The following LRRC7 variants were observed in gnomAD, a reference collection of about 807,000 sequenced individuals.
The protein encoded by LRRC7 is leucine rich repeat containing 7.
In LRRC7, 23 loss-of-function variants were observed where a neutral mutation model predicts 175.7. The observed-to-expected ratio is 0.13, with a 90% CI of 0.09 to 0.19. The LOEUF (loss-of-function observed/expected upper bound fraction) is 0.19. Ranked by LOEUF, LRRC7 falls within the 10% of genes least tolerant of loss-of-function variation. The probability of loss-of-function intolerance (pLI) is 1.00; values close to 1 mark genes in which losing one functional copy is unlikely to be tolerated. For missense variants in LRRC7, 1,354 were observed against 1,904.7 expected (o/e 0.71, Z 5.38); for synonymous variants, 685 against 680.9 (o/e 1.01, Z -0.09).
intron 7 of LRRC7, among the ~76,000 whole-genome samples, chr1:69,865,875 C>T (rs1684900401): frequency 2.6e-5 from 4 of 152,150 alleles, no homozygotes; most frequent in Admixed American, 2.6e-4. Flanking sequence ...ACCTCAGATT[C>T]ACCAGCAGTA....
chr1:69,758,868 C>T (rs1670725792), intron 2 of LRRC7, among the ~76,000 whole-genome samples: 1 of 152,016 alleles, frequency 6.6e-6, no homozygotes, highest in South Asian at 2.1e-4. Flanking sequence ...ATAAATGTTA[C>T]TAATTTCTGT....
intron 1 of LRRC7, among the ~76,000 whole-genome samples, chr1:69,576,968 G>A (rs1008062838): frequency 2.0e-4 from 30 of 152,190 alleles, no homozygotes; most frequent in African/African-American, 7.2e-4. Flanking sequence ...TATTTAATGA[G>A]CGGTTATTTA....
intron 3 of LRRC7, among the ~76,000 whole-genome samples, chr1:69,764,761 A>T (rs1671434708): frequency 6.6e-6 from 1 of 150,944 alleles, no homozygotes; most frequent in Non-Finnish European, 1.5e-5. Context: ...AGATAGATAG[A>T]TAGATAGATA....
chr1:69,672,520 C>T (rs567205486), intron 1 of LRRC7, among the ~76,000 whole-genome samples: 13 of 152,210 alleles, frequency 8.5e-5, no homozygotes, highest in African/African-American at 2.9e-4. Context: ...TTAGGTTAAC[C>T]ATGGATAAAA....
intron 1 of LRRC7, among the ~76,000 whole-genome samples, chr1:69,626,249 A>G (rs1570024229): frequency 1.3e-5 from 2 of 152,104 alleles, no homozygotes; most frequent in East Asian, 1.9e-4. Context: ...GTCAGAATCT[A>G]TGGTATGTTT....
Position 70,088,927 on chromosome 1 carries a change from G to A in LRRC7, c.4453-800G>A, listed in dbSNP as rs113066956. Among the ~76,000 whole-genome samples, 4 of 152,246 alleles carry A rather than the reference G, an allele frequency of 2.6e-5. 1 individual carries two copies. The highest frequency in any genetic ancestry group is 7.2e-5 in the African/African-American group (3 of 41,554). On this transcript the variant is annotated intron_variant, in intron 24 of 26. Coordinates refer to ENST00000651989, the MANE Select transcript of LRRC7 (RefSeq NM_001370785.2). ...CATACTACTATAAAACAAAAGTCAT[G>A]TTTAATAGACTTTCATTCATGATTT...
chr1:70,097,397 T>C (rs182957266), intron 25 of LRRC7, among the ~76,000 whole-genome samples: 142 of 152,342 alleles, frequency 9.3e-4, no homozygotes, highest in African/African-American at 3.2e-3. Flanking sequence ...AAACAATTTT[T>C]CACTTCAAAA....
At chr1:69,817,661 T>TA (rs1311870656) in intron 4 of LRRC7, among the ~76,000 whole-genome samples, 1 of 152,102 alleles carries the variant, frequency 6.6e-6, no homozygotes, top group Non-Finnish European at 1.5e-5. Context: ...TCTATTTCTG[T>TA]AAAAAAAGTC....
At chr1:69,803,447 C>G (rs1676756012) in intron 4 of LRRC7, among the ~76,000 whole-genome samples, 1 of 151,398 alleles carries the variant, frequency 6.6e-6, no homozygotes, top group Non-Finnish European at 1.5e-5. Context: ...TGACTTCCAT[C>G]AAGAATATGT....
chr1:69,603,836 T>C lies in LRRC7; in HGVS notation c.2+35195T>C, dbSNP rs191611256. ...AAACACCAGAATGTAGATGACAAGTTAGGAAGCACAATAACCACTCCCGTT... is the reference window on the plus strand; with the variant it reads ...AAACACCAGAATGTAGATGACAAGTCAGGAAGCACAATAACCACTCCCGTT... On this transcript the variant is annotated intron_variant, in intron 1 of 26. Coordinates refer to ENST00000651989, the MANE Select transcript of LRRC7 (RefSeq NM_001370785.2). Among the ~76,000 whole-genome samples, 109 of 152,204 alleles carry C rather than the reference T, an allele frequency of 7.2e-4. 4 individuals are homozygous for C. The East Asian group carries it at 0.019, about 26-fold the overall frequency.
chr1:69,694,916 C>T (rs1435197360), intron 2 of LRRC7, among the ~76,000 whole-genome samples: 1 of 152,142 alleles, frequency 6.6e-6, no homozygotes, highest in African/African-American at 2.4e-5. Flanking sequence ...ATAAATTACT[C>T]AGCCTCGGGT....
At chr1:70,102,676 T>C (rs1287399693) in intron 25 of LRRC7, among the ~76,000 whole-genome samples, 2 of 152,310 alleles carry the variant, frequency 1.3e-5, no homozygotes, top group South Asian at 4.1e-4. Context: ...AGTTTCAGAC[T>C]TTTGATAATT....
intron 1 of LRRC7, among the ~76,000 whole-genome samples, chr1:69,639,989 C>G (rs1259895796): frequency 6.6e-6 from 1 of 151,696 alleles, no homozygotes; most frequent in Admixed American, 6.6e-5. Context: ...GTTCTGTTGG[C>G]ATTAGGTGCA....
chr1:69,647,864 G>T (rs1655225088), intron 1 of LRRC7, among the ~76,000 whole-genome samples: 1 of 151,796 alleles, frequency 6.6e-6, no homozygotes, highest in East Asian at 1.9e-4. Context: ...CTTGCTATTT[G>T]CTTCTTTTCC....
chr1:69,591,400 G>A (rs1646629040), intron 1 of LRRC7, among the ~76,000 whole-genome samples: 1 of 152,152 alleles, frequency 6.6e-6, no homozygotes, highest in African/African-American at 2.4e-5. Flanking sequence ...GAAGCTATTT[G>A]ACAGAACAGT....
intron 23 of LRRC7, among the ~76,000 whole-genome samples, chr1:70,065,722 AT>A (rs1194270131): frequency 6.6e-6 from 1 of 152,004 alleles, no homozygotes; most frequent in East Asian, 1.9e-4. Context: ...AATATTAGTC[AT>A]GTTAATAGTG....
chr1:69,956,038 G>A (rs1650453142), intron 8 of LRRC7, among the ~76,000 whole-genome samples: 1 of 151,886 alleles, frequency 6.6e-6, no homozygotes, highest in African/African-American at 2.4e-5. Flanking sequence ...TAGAATTTAT[G>A]CAGAGAAAAG....
chr1:69,834,988 T>C (rs1263967525), intron 6 of LRRC7, 119 bp downstream of exon 6: 8 of 699,782 alleles, frequency 1.1e-5, no homozygotes, highest in Non-Finnish European at 6.9e-6. Context: ...CTCATTATTA[T>C]TCAATAAATG....
chr1:69,774,704 C>A (rs1672625321), intron 3 of LRRC7, among the ~76,000 whole-genome samples: 1 of 152,004 alleles, frequency 6.6e-6, no homozygotes, highest in African/African-American at 2.4e-5. Context: ...ACACAGGGAA[C>A]AAATCCACAT....
Sources: allele counts gnomAD v4.1 joint callset (sites outside exome capture counted in the v4.1 genomes callset), GRCh38; gene constraint gnomAD v4.1.1; transcripts MANE v1.5; gene names NCBI Gene and HGNC (gene_info 2026-07-23, HGNC 2026-07-21).